The following THSD7B variants were observed in gnomAD, a reference collection of about 807,000 sequenced individuals.
The protein encoded by THSD7B is thrombospondin type 1 domain containing 7B.
THSD7B carries 138 observed loss-of-function variants against 213.6 expected under a neutral mutation model. The observed-to-expected ratio is 0.65, with a 90% CI of 0.56 to 0.74. The LOEUF is 0.74. THSD7B is among the 30% of genes least tolerant of loss of function. The pLI is 0.00. For missense variants in THSD7B, 1,931 were observed against 1,991.5 expected (o/e 0.97, Z 0.58); for synonymous variants, 742 against 687.0 (o/e 1.08, Z -1.25).
At chr2:137,285,507 A>T (rs1399521097) in intron 12 of THSD7B, among the ~76,000 whole-genome samples, 1 of 150,052 alleles carries the variant, frequency 6.7e-6, no homozygotes, top group Non-Finnish European at 1.5e-5. Flanking sequence ...CATGGTCTTT[A>T]CAATTTGGCA....
At chr2:137,412,623 A>AAAAAAAAAAAAAAAC (rs1573611118) in intron 14 of THSD7B, among the ~76,000 whole-genome samples, 3 of 126,284 alleles carry the variant, frequency 2.4e-5, no homozygotes, top group Non-Finnish European at 5.3e-5. Context: ...AAAAAAAACA[A>AAAAAAAAAAAAAAAC]AAAACAGTTT....
intron 15 of THSD7B, among the ~76,000 whole-genome samples, chr2:137,476,729 G>A (rs915717430): frequency 1.3e-5 from 2 of 151,968 alleles, no homozygotes; most frequent in South Asian, 2.1e-4. Context: ...TAGTAGAGAC[G>A]GGGTTTTACC....
chr2:137,551,675 C>G (rs1362281398), intron 15 of THSD7B, among the ~76,000 whole-genome samples: 2 of 152,104 alleles, frequency 1.3e-5, no homozygotes, highest in African/African-American at 4.8e-5. Context: ...TTATTAGTTT[C>G]ATTTTTTGGT....
chr2:137,276,652 T>C (rs922010808), intron 12 of THSD7B, among the ~76,000 whole-genome samples: 13 of 152,078 alleles, frequency 8.5e-5, no homozygotes, highest in African/African-American at 2.7e-4. Context: ...CTGCTCACTT[T>C]TCTATTTCAT....
Position 137,178,027 on chromosome 2 carries a change from C to T in THSD7B, c.1723+7089C>T, listed in dbSNP as rs569384227. ...CGGAGGTTGCAGTGAGCCAAGATTG[C>T]GCCACTGTACTCCAGCCTGGTGACA... On this transcript the variant is annotated intron_variant, in intron 7 of 27. Transcript: ENST00000409968. 1.3e-4 allele frequency among the ~76,000 whole-genome samples: 19 copies of T among 146,714 alleles called. No homozygotes were observed. The East Asian group carries it at 1.4e-3, about 11-fold the overall frequency.
At chr2:136,906,379 T>G (rs1034484135) in intron 2 of THSD7B, 2 of 152,148 alleles carry the variant, frequency 1.3e-5, no homozygotes, top group African/African-American at 4.8e-5. Context: ...CTATATCCAT[T>G]TATTGAGAGA....
At chr2:137,536,302 G>C (rs1165110397) in intron 15 of THSD7B, among the ~76,000 whole-genome samples, 1 of 151,362 alleles carries the variant, frequency 6.6e-6, no homozygotes, top group Non-Finnish European at 1.5e-5. Flanking sequence ...GGTACTGTCT[G>C]CTGAGTCTCA....
At chr2:137,262,439 G>A (rs1037165532) in intron 10 of THSD7B, among the ~76,000 whole-genome samples, 5 of 151,522 alleles carry the variant, frequency 3.3e-5, no homozygotes, top group African/African-American at 1.2e-4. Context: ...TAAAATGAAA[G>A]GGGTCAGGAT....
At chr2:137,435,789 A>G (rs1482027554) in intron 14 of THSD7B, among the ~76,000 whole-genome samples, 1 of 152,164 alleles carries the variant, frequency 6.6e-6, no homozygotes, top group African/African-American at 2.4e-5. Flanking sequence ...GTGTCTCAGG[A>G]GGAAATGCAC....
intron 12 of THSD7B, among the ~76,000 whole-genome samples, chr2:137,286,252 G>A (rs1028769524): frequency 6.6e-5 from 10 of 151,940 alleles, no homozygotes; most frequent in African/African-American, 2.4e-4. Flanking sequence ...TTTTCTGATT[G>A]AAAGTGTTCT....
intron 2 of THSD7B, among the ~76,000 whole-genome samples, chr2:137,030,177 C>T (rs1179728309): frequency 3.9e-5 from 6 of 152,118 alleles, no homozygotes; most frequent in Admixed American, 2.6e-4. Context: ...TTGTTTACAT[C>T]GTATACAGAC....
At chr2:137,659,007 A>G (rs1315039744) in intron 24 of THSD7B, among the ~76,000 whole-genome samples, 1 of 152,212 alleles carries the variant, frequency 6.6e-6, no homozygotes, top group Non-Finnish European at 1.5e-5. Context: ...TTTTCCAGTT[A>G]CAGAGACATA....
At chr2:136,805,699 G>A (rs977227056) in intron 1 of THSD7B, among the ~76,000 whole-genome samples, 1 of 152,234 alleles carries the variant, frequency 6.6e-6, no homozygotes, top group Non-Finnish European at 1.5e-5. Flanking sequence ...GGTTTGGCTA[G>A]TAGGGGAGGG....
intron 12 of THSD7B, among the ~76,000 whole-genome samples, chr2:137,325,764 T>C (rs1258162453): frequency 1.3e-5 from 2 of 152,228 alleles, no homozygotes; most frequent in African/African-American, 4.8e-5. Context: ...CTGCAAGTAA[T>C]TTAAAATCCT....
intron 2 of THSD7B, among the ~76,000 whole-genome samples, chr2:136,894,321 A>G (rs1430679236): frequency 1.3e-5 from 2 of 152,206 alleles, no homozygotes; most frequent in East Asian, 1.9e-4. Context: ...ACAACTTTAT[A>G]ACATTTTCAA....
chr2:136,876,081 T>G (rs1328548063), intron 1 of THSD7B, among the ~76,000 whole-genome samples: 1 of 152,218 alleles, frequency 6.6e-6, no homozygotes, highest in African/African-American at 2.4e-5. Context: ...AAAGTCATCT[T>G]GTATACCCTG....
At chr2:137,356,734 A>G (rs1685137118) in intron 12 of THSD7B, among the ~76,000 whole-genome samples, 1 of 152,158 alleles carries the variant, frequency 6.6e-6, no homozygotes, top group African/African-American at 2.4e-5. Context: ...CTCCAGTGAC[A>G]GCTCAGTTCA....
At chr2:137,013,327 C>A (rs1196377873) in intron 2 of THSD7B, among the ~76,000 whole-genome samples, 4 of 152,154 alleles carry the variant, frequency 2.6e-5, no homozygotes, top group African/African-American at 9.7e-5. Flanking sequence ...AGTGCTACAG[C>A]TGCCTCAGTT....
chr2:137,406,743 T>A (rs1053155382), intron 13 of THSD7B, among the ~76,000 whole-genome samples: 1 of 152,156 alleles, frequency 6.6e-6, no homozygotes, highest in African/African-American at 2.4e-5. Flanking sequence ...AAACTGGGAG[T>A]CCATTTGTAA....
Sources: allele counts gnomAD v4.1 joint callset (sites outside exome capture counted in the v4.1 genomes callset), GRCh38; gene constraint gnomAD v4.1.1; transcripts MANE v1.5; gene names NCBI Gene and HGNC (gene_info 2026-07-23, HGNC 2026-07-21).